The following TRIM36 variants were observed in gnomAD, a reference collection of about 807,000 sequenced individuals.
The protein encoded by TRIM36 is E3 ubiquitin-protein ligase TRIM36.
Under a neutral mutation model 72.4 loss-of-function variants are expected in TRIM36, and 42 were observed. The observed-to-expected ratio is 0.58, with a 90% CI of 0.45 to 0.75. The LOEUF is 0.75. TRIM36 is among the 30% of genes least tolerant of loss of function. The pLI, the probability that TRIM36 is intolerant of heterozygous loss-of-function variation, is 0.00. For synonymous variants in TRIM36, 315 were observed against 282.8 expected, an observed-to-expected ratio of 1.11 and a Z score of -1.14; for missense variants, 913 against 857.1, an observed-to-expected ratio of 1.07 and a Z score of -0.81.
intron 2 of TRIM36, among the ~76,000 whole-genome samples, chr5:115,154,190 CT>C: frequency 7.1e-6 from 1 of 140,680 alleles, no homozygotes; most frequent in African/African-American, 2.5e-5. Context: ...AAAGGCAGTG[CT>C]AAGACGAAAG....
upstream of TRIM36, among the ~76,000 whole-genome samples, chr5:115,172,774 T>C (rs1755171483): frequency 6.6e-6 from 1 of 150,668 alleles, no homozygotes; most frequent in African/African-American, 2.4e-5. Flanking sequence ...GGATTCTGAA[T>C]GCTGCCACTC....
At chr5:115,131,980 C>A (rs1752706297) in intron 8 of TRIM36, among the ~76,000 whole-genome samples, 1 of 152,100 alleles carries the variant, frequency 6.6e-6, no homozygotes, top group Non-Finnish European at 1.5e-5. Flanking sequence ...TGTAAATGTA[C>A]TTAATGCCAA....
chr5:115,155,274 G>T (rs1754114310), intron 2 of TRIM36, among the ~76,000 whole-genome samples: 1 of 152,124 alleles, frequency 6.6e-6, no homozygotes, highest in African/African-American at 2.4e-5. Flanking sequence ...CTTGAACCAG[G>T]GAGGCACAGG....
At chr5:115,129,578 A>G (rs1752541981) in intron 9 of TRIM36, among the ~76,000 whole-genome samples, 1 of 152,178 alleles carries the variant, frequency 6.6e-6, no homozygotes, top group African/African-American at 2.4e-5. Context: ...AAGAAAATAC[A>G]AAGATAAGAT....
chr5:115,128,913 C>T (rs1008682689), intron 9 of TRIM36, among the ~76,000 whole-genome samples: 1 of 151,980 alleles, frequency 6.6e-6, no homozygotes, highest in African/African-American at 2.4e-5. Context: ...CCTAGGCCTT[C>T]AAATTCACTC....
intron 4 of TRIM36, among the ~76,000 whole-genome samples, chr5:115,143,354 C>T (rs187044371): frequency 3.8e-4 from 57 of 151,514 alleles, no homozygotes; most frequent in Admixed American, 9.2e-4. Context: ...TGTCCTGCCT[C>T]ACAAAAGACC....
chr5:115,176,168 C>A (rs1755330123), intron 1 of TRIM36, among the ~76,000 whole-genome samples: 2 of 152,080 alleles, frequency 1.3e-5, no homozygotes, highest in African/African-American at 4.8e-5. Context: ...ATGCAGTGGG[C>A]ACAACCTTAC....
In TRIM36 at chr5:115,133,913, G is replaced by A; in HGVS notation, c.1445C>T (p.Ser482Leu). 1 of 1,612,880 alleles carries A rather than the reference G, an allele frequency of 6.2e-7. No individual in the cohort carries two copies. Among genetic ancestry groups the A allele is most frequent in the East Asian group, 2.2e-5 (1 of 44,772 alleles). Residue 482 changes from serine to leucine, a missense_variant, in exon 8 of 10, where the codon TCA becomes TTA. Coordinates refer to ENST00000513154, the MANE Select transcript of TRIM36 (RefSeq NM_001300759.2). ...YAFRVRAYKGSICSPCSRELI... is the reference protein window; with the variant it reads ...YAFRVRAYKGLICSPCSRELI... ...TTCTCTGCTGCAAGGACTACAGATTGAACCCTTGTAAGCTCTTACTCTGAA... is the reference window on the plus strand; with the variant it reads ...TTCTCTGCTGCAAGGACTACAGATTAAACCCTTGTAAGCTCTTACTCTGAA...
chr5:115,137,156 C>G (rs190325450), intron 6 of TRIM36, 32 bp from the exon 7 acceptor site: 1 of 1,542,970 alleles, frequency 6.5e-7, no homozygotes, highest in Non-Finnish European at 8.7e-7. Context: ...AAAAATGTTT[C>G]TTTAAGAAGT....
intron 3 of TRIM36, among the ~76,000 whole-genome samples, chr5:115,145,581 C>A (rs1753546537): frequency 6.6e-6 from 1 of 152,084 alleles, no homozygotes; most frequent in Admixed American, 6.5e-5. Flanking sequence ...GGCTAGAGTG[C>A]AGTGGTGCAA....
At chr5:115,177,843 A>G (rs564024136) in intron 1 of TRIM36, 4 of 1,613,630 alleles carry the variant, frequency 2.5e-6, no homozygotes, top group Admixed American at 1.7e-5. Context: ...GGGAATGCTC[A>G]TGGGTTTGCT....
chr5:115,150,659 C>A (rs1298192345), intron 2 of TRIM36, among the ~76,000 whole-genome samples: 1 of 152,182 alleles, frequency 6.6e-6, no homozygotes, highest in African/African-American at 2.4e-5. Context: ...CCACAGGCCC[C>A]CTGAAGGAAG....
chr5:115,144,630 T>A lies in TRIM36; in HGVS notation c.703A>T (p.Thr235Ser), dbSNP rs1386966099. ...LGGNHANHRV[T>S]TMSSAYKTLK... is the part of the protein sequence containing the mutation. Reference sequence around the variant, plus strand: ...GTTTTGTAGGCACTGCTCATAGTGGTTACACGGTGGTTGGCATGATTACCA... The same window carrying A: ...GTTTTGTAGGCACTGCTCATAGTGGATACACGGTGGTTGGCATGATTACCA... Residue 235 changes from threonine to serine, a missense_variant, in exon 4 of 10, where the codon ACC (threonine) becomes TCC (serine). Physicochemically the swap from Thr to Ser is moderately conservative, Grantham distance 58. Coordinates refer to ENST00000513154, the MANE Select transcript of TRIM36 (RefSeq NM_001300759.2). 1 of 1,614,078 alleles carries A rather than the reference T, an allele frequency of 6.2e-7. No homozygotes were observed. Among genetic ancestry groups the A allele is most frequent in the Non-Finnish European group, 8.5e-7 (1 of 1,180,004 alleles).
chr5:115,155,717 G>T (rs565565040), intron 2 of TRIM36, among the ~76,000 whole-genome samples: 19 of 152,264 alleles, frequency 1.2e-4, no homozygotes, highest in Admixed American at 5.9e-4. Flanking sequence ...AATAGTGAAT[G>T]GGGAAGAGTT....
At position 115,130,678 on chromosome 5, in the gene TRIM36, T is replaced by A; in HGVS notation, c.1710A>T (p.Pro570=). ...CTCCCACTTTTACCAGGTATGAATA[T>A]GGTTCCACACGGAAGGCCCAGAAGT... ...GKHFWAFRVE[P]YSYLVKVGVA... The change falls in exon 9 of 10, where the codon CCA becomes CCT. Residue 570 remains proline, a synonymous_variant. Coordinates refer to ENST00000513154, the MANE Select transcript of TRIM36 (RefSeq NM_001300759.2). 1 of 1,614,206 alleles carries A rather than the reference T, an allele frequency of 6.2e-7. No individual in the cohort carries two copies. Among genetic ancestry groups the A allele is most frequent in the Non-Finnish European group, 8.5e-7 (1 of 1,180,024 alleles).
chr5:115,143,577 G>A (rs1312292948), intron 4 of TRIM36, among the ~76,000 whole-genome samples: 1 of 152,052 alleles, frequency 6.6e-6, no homozygotes, highest in Non-Finnish European at 1.5e-5. Flanking sequence ...AATTATACCT[G>A]TATTTCGTAT....
At chr5:115,162,125 T>C (rs1046865772) in intron 2 of TRIM36, among the ~76,000 whole-genome samples, 1 of 152,148 alleles carries the variant, frequency 6.6e-6, no homozygotes, top group Non-Finnish European at 1.5e-5. Context: ...AAGAAAACTA[T>C]CATATTCTGC....
At chr5:115,167,753 C>T (rs1754868027) in intron 1 of TRIM36, among the ~76,000 whole-genome samples, 1 of 152,238 alleles carries the variant, frequency 6.6e-6, no homozygotes, top group Non-Finnish European at 1.5e-5. Flanking sequence ...GCCTGTTATT[C>T]AGTTCCAAAG....
At chr5:115,160,706 G>A (rs12659716) in intron 2 of TRIM36, among the ~76,000 whole-genome samples, 41,600 of 152,016 alleles carry the variant, frequency 0.27, 5,820 homozygotes, top group Middle Eastern at 0.31. Flanking sequence ...CAGGGTGCGA[G>A]TGAGTAGCAT....
Sources: allele counts gnomAD v4.1 joint callset (sites outside exome capture counted in the v4.1 genomes callset), GRCh38; gene constraint gnomAD v4.1.1; transcripts MANE v1.5; gene names NCBI Gene and HGNC (gene_info 2026-07-23, HGNC 2026-07-21).